Variants in BABAM2 observed in about 807,000 individuals in gnomAD.
BABAM2 encodes BRISC and BRCA1-A complex member 2.
A neutral mutation model predicts 54.7 loss-of-function variants in BABAM2; 31 were observed. The observed-to-expected ratio is 0.57, with a 90% confidence interval of 0.43 to 0.77. The LOEUF (loss-of-function observed/expected upper bound fraction) is 0.77. Ranked by LOEUF, BABAM2 falls within the 30% of genes least tolerant of loss-of-function variation. The probability of loss-of-function intolerance (pLI) is 0.00; values close to 1 mark genes in which losing one functional copy is unlikely to be tolerated. For synonymous variants in BABAM2, 167 were observed against 162.9 expected (o/e 1.03, Z -0.19); for missense variants, 364 against 455.8 (o/e 0.80, Z 1.83).
chr2:28,239,332 G>GT (rs1350013406), intron 8 of BABAM2, among the ~76,000 whole-genome samples: 4 of 152,118 alleles, frequency 2.6e-5, no homozygotes, highest in African/African-American at 9.7e-5. Context: ...TTGAGCTTTT[G>GT]TTAGCCATGG....
intron 8 of BABAM2, among the ~76,000 whole-genome samples, chr2:28,237,610 C>T (rs1468220243): frequency 6.6e-6 from 1 of 152,206 alleles, no homozygotes; most frequent in Non-Finnish European, 1.5e-5. Flanking sequence ...CCAGATCTTG[C>T]ACCTTCTTAA....
At chr2:27,984,381 A>G (rs1172278816) in intron 3 of BABAM2, among the ~76,000 whole-genome samples, 1 of 152,128 alleles carries the variant, frequency 6.6e-6, no homozygotes, top group Non-Finnish European at 1.5e-5. Flanking sequence ...CATTCATATT[A>G]TCTCTACTTG....
At chr2:27,894,927 T>C in intron 2 of BABAM2, 2 of 468,590 alleles carry the variant, frequency 4.3e-6, no homozygotes, top group Non-Finnish European at 7.5e-6. Flanking sequence ...TTCTGTTTTT[T>C]CTTTGTGAAG....
intron 7 of BABAM2, among the ~76,000 whole-genome samples, chr2:28,176,678 C>A: frequency 6.9e-6 from 1 of 144,650 alleles, no homozygotes; most frequent in South Asian, 2.2e-4. Flanking sequence ...TGAAATTTAC[C>A]AAAGAGATAG....
chr2:28,011,787 G>C (rs1006593864), intron 4 of BABAM2, among the ~76,000 whole-genome samples: 1 of 151,728 alleles, frequency 6.6e-6, no homozygotes, highest in African/African-American at 2.4e-5. Flanking sequence ...TAGTCAGAAG[G>C]AAATCAGAAT....
intron 2 of BABAM2, among the ~76,000 whole-genome samples, chr2:27,904,242 C>G (rs930886539): frequency 5.9e-5 from 9 of 152,114 alleles, no homozygotes; most frequent in African/African-American, 1.7e-4. Context: ...TTTTCTTGAC[C>G]AAGGGTCAGG....
rs1306888526 is a variant in BABAM2 at position 28,080,742 on chromosome 2, C to T, written c.570+34943C>T. Reference sequence around the variant, plus strand: ...CCTTGGCATTCTCATTTTAAGTAGCCATCTGCAAGCATATTAATTTTATTA... The same window carrying T: ...CCTTGGCATTCTCATTTTAAGTAGCTATCTGCAAGCATATTAATTTTATTA... On this transcript the variant is annotated intron_variant, in intron 6 of 11. Coordinates refer to ENST00000379624, the MANE Select transcript of BABAM2 (RefSeq NM_199191.3). Among the ~76,000 whole-genome samples the T allele has an allele frequency of 3.3e-5, 5 of 152,080 alleles. No individual in the cohort carries two copies. In the East Asian group the frequency reaches 7.7e-4, roughly 23 times the overall value.
intron 5 of BABAM2, among the ~76,000 whole-genome samples, chr2:28,034,095 C>G (rs1305254865): frequency 6.6e-6 from 1 of 152,136 alleles, no homozygotes; most frequent in Non-Finnish European, 1.5e-5. Context: ...TATCTCCTCA[C>G]TTGAGTTAAT....
At chr2:28,221,504 C>A (rs1680417245) in intron 7 of BABAM2, among the ~76,000 whole-genome samples, 1 of 152,144 alleles carries the variant, frequency 6.6e-6, no homozygotes, top group African/African-American at 2.4e-5. Context: ...TGACATATTA[C>A]ATACTATTCT....
chr2:27,973,834 C>T (rs1671399173), intron 3 of BABAM2, among the ~76,000 whole-genome samples: 1 of 152,036 alleles, frequency 6.6e-6, no homozygotes. Context: ...TTGGGAAAAC[C>T]AGAGTAACAT....
chr2:27,953,511 C>T lies in BABAM2; in HGVS notation c.205+23603C>T, dbSNP rs149833795. 6.3e-3 allele frequency among the ~76,000 whole-genome samples: 959 copies of T among 151,518 alleles called. 6 individuals are homozygous for T. The highest frequency in any genetic ancestry group is 7.9e-3 in the Non-Finnish European group (534 of 67,830). ...CTCTATATGTTGCCCAGGCTGGTTT[C>T]GAATTCTTGGGCTCAAGTGATCCTC... On this transcript the variant is annotated intron_variant, in intron 3 of 11. Transcript: ENST00000379624.
chr2:28,249,722 C>A (rs1445526983), intron 10 of BABAM2, among the ~76,000 whole-genome samples: 1 of 152,098 alleles, frequency 6.6e-6, no homozygotes, highest in Non-Finnish European at 1.5e-5. Context: ...CTCACTGTAG[C>A]CTCAACTTCC....
chr2:28,225,202 A>G (rs900462897), intron 7 of BABAM2, among the ~76,000 whole-genome samples: 2 of 152,202 alleles, frequency 1.3e-5, no homozygotes, highest in Non-Finnish European at 2.9e-5. Context: ...GGCAGCCACA[A>G]GCTGTCTGTA....
At chr2:27,894,823 GT>G in intron 2 of BABAM2, 139 bp downstream of exon 2, 1 of 994,100 alleles carries the variant, frequency 1.0e-6, no homozygotes, top group African/African-American at 1.6e-5. Flanking sequence ...TGTTGATTCA[GT>G]TGGTTTTGTT....
chr2:28,081,078 T>G (rs1464939960), intron 6 of BABAM2, among the ~76,000 whole-genome samples: 1 of 152,174 alleles, frequency 6.6e-6, no homozygotes, highest in African/African-American at 2.4e-5. Context: ...TCCTAGCAGT[T>G]GGTGAAGCAA....
intron 5 of BABAM2, among the ~76,000 whole-genome samples, chr2:28,044,457 C>G (rs1677396652): frequency 6.6e-6 from 1 of 152,178 alleles, no homozygotes; most frequent in Non-Finnish European, 1.5e-5. Context: ...TCTCGATGTC[C>G]TGACCGTGGG....
intron 10 of BABAM2, among the ~76,000 whole-genome samples, chr2:28,273,012 G>A (rs1685556800): frequency 6.6e-6 from 1 of 152,176 alleles, no homozygotes; most frequent in Admixed American, 6.5e-5. Flanking sequence ...GAATGCCGTG[G>A]AACTTTCTTA....
intron 6 of BABAM2, among the ~76,000 whole-genome samples, chr2:28,128,495 G>A (rs773115267): frequency 6.6e-6 from 1 of 152,162 alleles, no homozygotes; most frequent in Non-Finnish European, 1.5e-5. Flanking sequence ...TTTTGATTCA[G>A]GACACTTCAT....
intron 6 of BABAM2, among the ~76,000 whole-genome samples, chr2:28,118,892 A>G (rs1668826612): frequency 6.6e-6 from 1 of 151,804 alleles, no homozygotes; most frequent in South Asian, 2.1e-4. Flanking sequence ...ATCTTGAGTT[A>G]ATTTTTGTAT....
Sources: allele counts gnomAD v4.1 joint callset (sites outside exome capture counted in the v4.1 genomes callset), GRCh38; gene constraint gnomAD v4.1.1; transcripts MANE v1.5; gene names NCBI Gene and HGNC (gene_info 2026-07-23, HGNC 2026-07-21).